The following OTUB2 variants were observed in gnomAD, a reference collection of about 807,000 sequenced individuals.
OTUB2 encodes OTU deubiquitinase, ubiquitin aldehyde binding 2, also known as ubiquitin thioesterase OTUB2.
In OTUB2, 21 loss-of-function variants were observed where a neutral mutation model predicts 25.1. That is an observed-to-expected ratio of 0.84 (90% CI 0.59 to 1.21). OTUB2 has a LOEUF of 1.21. Ranked by LOEUF, OTUB2 falls within the 50% of genes most tolerant of loss-of-function variation. OTUB2 has a pLI of 0.00. For synonymous variants in OTUB2, 122 were observed against 122.8 expected (o/e 0.99, Z 0.04); for missense variants, 283 against 298.0 (o/e 0.95, Z 0.37).
At chr14:94,044,302 ACT>A (rs1482802350) in intron 4 of OTUB2, among the ~76,000 whole-genome samples, 3 of 152,036 alleles carry the variant, frequency 2.0e-5, no homozygotes, top group Admixed American at 1.3e-4. Context: ...GACGCTTGCC[ACT>A]CTGAGTGTGC....
chr14:94,045,517 G>A (rs1020238583), intron 5 of OTUB2, among the ~76,000 whole-genome samples, 199 bp from the exon 6 acceptor site: 1 of 152,108 alleles, frequency 6.6e-6, no homozygotes, highest in African/African-American at 2.4e-5. Context: ...CAATTGTAGC[G>A]ATTTCTAGCT....
intron 1 of OTUB2, among the ~76,000 whole-genome samples, chr14:94,030,282 T>G (rs1884934799): frequency 7.4e-6 from 1 of 135,596 alleles, no homozygotes; most frequent in Non-Finnish European, 1.6e-5. Flanking sequence ...GAGAGAGGAG[T>G]GGAGAAGCAC....
At chr14:94,035,384 G>A (rs953145482) in intron 1 of OTUB2, among the ~76,000 whole-genome samples, 3 of 143,478 alleles carry the variant, frequency 2.1e-5, no homozygotes, top group African/African-American at 5.2e-5. Flanking sequence ...CTGCCTCCCC[G>A]GTTTAAGAAA....
chr14:94,026,522 G>A lies in OTUB2; in HGVS notation c.-16G>A, dbSNP rs1411498083. The A allele has an allele frequency of 1.9e-6, 2 of 1,045,442 alleles. No individual in the cohort carries two copies. The highest frequency in any genetic ancestry group is 2.0e-5 in the African/African-American group (1 of 49,980). 64.8% of individuals were successfully genotyped at this position (1,045,442 alleles called of 1,614,324 possible). ...TCCTCGCTGGGGCGGGACCTGGCCT[G>A]GCGGCTCTGGTCACTATGGTCAGTG... On this transcript the variant is annotated 5_prime_UTR_variant, in exon 1 of 6. Transcript: ENST00000203664.
intron 1 of OTUB2, 29 bp from the exon 2 acceptor site, chr14:94,037,351 A>G (rs1885074673): frequency 6.6e-7 from 1 of 1,512,594 alleles, no homozygotes; most frequent in South Asian, 1.1e-5. Context: ...TGAAATTGTC[A>G]CAGCATTTCT....
At chr14:94,036,739 C>A (rs929010778) in intron 1 of OTUB2, among the ~76,000 whole-genome samples, 1 of 152,108 alleles carries the variant, frequency 6.6e-6, no homozygotes, top group East Asian at 1.9e-4. Context: ...AAACTTTCGC[C>A]GGTAGGTGGT....
At chr14:94,043,326 T>C (rs940902770) in intron 3 of OTUB2, among the ~76,000 whole-genome samples, 1 of 152,220 alleles carries the variant, frequency 6.6e-6, no homozygotes, top group African/African-American at 2.4e-5. Flanking sequence ...GCCGCTCACC[T>C]GGTCCTTGTG....
At chr14:94,040,369 A>G (rs967225634) in intron 3 of OTUB2, among the ~76,000 whole-genome samples, 1 of 152,062 alleles carries the variant, frequency 6.6e-6, no homozygotes, top group Non-Finnish European at 1.5e-5. Context: ...TATGACCCCA[A>G]CTTCATTTCC....
At position 94,045,921 on chromosome 14, in the gene OTUB2, GA is replaced by G. The variant is rs765471103; in HGVS notation, c.705del (p.Ter235CysfsTer2). On this transcript the variant is annotated frameshift_variant and stop_lost, in exon 6 of 6. Coordinates refer to ENST00000203664, the MANE Select transcript of OTUB2 (RefSeq NM_023112.4). LOFTEE classifies it high-confidence loss of function. Reference protein sequence around the residue: ...YNILYAADKH* With the variant: ...YNILYAADKHX The stretch of plus-strand genomic sequence containing the variant: ...ATCCTTTATGCAGCCGATAAACATT[GA>G]TTAATTTTAGGCCATGCAGTGGAAC... 2.5e-6 allele frequency: 4 copies of G among 1,613,822 alleles called. No individual in the cohort carries two copies. Among genetic ancestry groups the G allele is most frequent in the Non-Finnish European group, 3.4e-6 (4 of 1,179,838 alleles).
At chr14:94,030,523 G>C (rs1395780530) in intron 1 of OTUB2, among the ~76,000 whole-genome samples, 1 of 152,042 alleles carries the variant, frequency 6.6e-6, no homozygotes, top group African/African-American at 2.4e-5. Flanking sequence ...TAAGATAAGA[G>C]GGAAGGCCCG....
chr14:94,033,212 A>G (rs1043023404), intron 1 of OTUB2, among the ~76,000 whole-genome samples: 2 of 152,136 alleles, frequency 1.3e-5, no homozygotes, highest in African/African-American at 4.8e-5. Flanking sequence ...GCCCGGCCCT[A>G]TGTAATATTT....
At chr14:94,027,444 G>T (rs1442665261) in intron 1 of OTUB2, among the ~76,000 whole-genome samples, 1 of 152,214 alleles carries the variant, frequency 6.6e-6, no homozygotes, top group Non-Finnish European at 1.5e-5. Context: ...GCTTGAGTCG[G>T]GGCCACACAG....
Position 94,042,521 on chromosome 14 carries a change from C to T in OTUB2, c.219-1450C>T, listed in dbSNP as rs377449997. Among the ~76,000 whole-genome samples the T allele has an allele frequency of 1.5e-4, 23 of 152,284 alleles. No homozygotes were observed. In the East Asian group the frequency reaches 3.7e-3, roughly 24 times the overall value. On this transcript the variant is annotated intron_variant, in intron 3 of 5. Coordinates refer to ENST00000203664, the MANE Select transcript of OTUB2 (RefSeq NM_023112.4). ...GGAGGGGGGGCAGGAGAGCTGGGAG[C>T]AGAGCAGTGCACTTCATGGCCATGC...
chr14:94,026,605 CGGAGCGGGTGCA>C, intron 1 of OTUB2, 65 bp downstream of exon 1: 1 of 1,066,716 alleles, frequency 9.4e-7, no homozygotes, highest in Non-Finnish European at 1.2e-6. Context: ...GGGTCGCTGC[CGGAGCGGGTGCA>C]CCCGCGGGAC....
chr14:94,041,544 C>T (rs1251527068), intron 3 of OTUB2, among the ~76,000 whole-genome samples: 1 of 152,120 alleles, frequency 6.6e-6, no homozygotes, highest in Non-Finnish European at 1.5e-5. Context: ...GCGGTCCTCC[C>T]TCCTCAGCCT....
chr14:94,031,060 G>A (rs1253603190), intron 1 of OTUB2, among the ~76,000 whole-genome samples: 3 of 152,028 alleles, frequency 2.0e-5, no homozygotes, highest in East Asian at 1.9e-4. Flanking sequence ...CAGGGCACTC[G>A]GCTGCCCCCA....
At chr14:94,026,642 A>T in intron 1 of OTUB2, 102 bp downstream of exon 1, 1 of 1,160,654 alleles carries the variant, frequency 8.6e-7, no homozygotes, top group South Asian at 4.0e-5. Context: ...GTCGGACGCG[A>T]GGCTCAGCCC....
rs753015836 is a variant in OTUB2, at chr14:94,044,651, C to T, written c.369C>T (p.Asn123=). Reference sequence around the variant, plus strand: ...TGTCCAGCCTGCTGAAGGTGTTCAACGACCAGAGTGCCTCGGACCACATCG... The same window carrying T: ...TGTCCAGCCTGCTGAAGGTGTTCAATGACCAGAGTGCCTCGGACCACATCG... ...GSVSSLLKVF[N]DQSASDHIVQ... is the part of the protein sequence containing the mutation. The change falls in exon 5 of 6, where the codon AAC becomes AAT. Residue 123 remains asparagine, a synonymous_variant. Transcript: ENST00000203664. 3.0e-5 allele frequency: 49 copies of T among 1,614,062 alleles called. No individual in the cohort carries two copies. In the South Asian group the frequency reaches 3.7e-4, roughly 12 times the overall value.
intron 3 of OTUB2, 125 bp downstream of exon 3, chr14:94,039,206 G>C (rs1331200028): frequency 1.3e-6 from 1 of 767,842 alleles, no homozygotes; most frequent in Non-Finnish European, 2.1e-6. Context: ...AGAGCTGCCT[G>C]GCAGAGGCGT....
Sources: gnomAD v4.1 joint callset for allele counts (sites outside exome capture counted in the v4.1 genomes callset) on GRCh38, gnomAD v4.1.1 for gene constraint, MANE v1.5 for transcripts, NCBI Gene and HGNC (gene_info 2026-07-23, HGNC 2026-07-21) for gene names.